CCDC186: variants seen among roughly 807,000 people sequenced by gnomAD.
CCDC186 encodes coiled-coil domain-containing protein 186.
In CCDC186, 49 loss-of-function variants were observed where a neutral mutation model predicts 113.7. The observed-to-expected ratio is 0.43, with a 90% CI of 0.34 to 0.55. The LOEUF is 0.55. CCDC186 is among the 20% of genes least tolerant of loss of function. The pLI is 0.02. For synonymous variants in CCDC186, 355 were observed against 345.8 expected, an observed-to-expected ratio of 1.03 and a Z score of -0.30; for missense variants, 890 against 1,011.1, an observed-to-expected ratio of 0.88 and a Z score of 1.62.
At chr10:114,153,562 G>A (rs2031916660) in intron 3 of CCDC186, among the ~76,000 whole-genome samples, 1 of 151,890 alleles carries the variant, frequency 6.6e-6, no homozygotes, top group Admixed American at 6.6e-5. Context: ...GAGGCAGGAG[G>A]CTCACTTGAG....
intron 6 of CCDC186, among the ~76,000 whole-genome samples, chr10:114,142,805 G>C (rs990056339): frequency 2.0e-5 from 3 of 152,102 alleles, no homozygotes; most frequent in Admixed American, 2.0e-4. Context: ...ACCAGAAAGG[G>C]TGCCTCAAGA....
At chr10:114,173,262 T>C (rs1445236873) in intron 1 of CCDC186, 4 of 453,890 alleles carry the variant, frequency 8.8e-6, no homozygotes, top group African/African-American at 8.0e-5. Flanking sequence ...CAGGACTTTT[T>C]CCTCTAAACA....
chr10:114,161,068 C>A (rs2032155448), intron 2 of CCDC186, among the ~76,000 whole-genome samples: 1 of 152,146 alleles, frequency 6.6e-6, no homozygotes, highest in Admixed American at 6.5e-5. Context: ...TATGATTATT[C>A]CACTCACCCG....
chr10:114,170,254 A>T (rs2032454092), intron 1 of CCDC186, among the ~76,000 whole-genome samples: 1 of 152,218 alleles, frequency 6.6e-6, no homozygotes. Context: ...AAAAACTGTA[A>T]ATAAGTTCTA....
At chr10:114,170,681 C>T (rs1296750167) in intron 1 of CCDC186, among the ~76,000 whole-genome samples, 1 of 152,070 alleles carries the variant, frequency 6.6e-6, no homozygotes, top group Non-Finnish European at 1.5e-5. Flanking sequence ...AAAAAAGTTT[C>T]CTTTAGTTCA....
intron 1 of CCDC186, chr10:114,166,051 G>A (rs542002207): frequency 7.5e-6 from 3 of 402,514 alleles, no homozygotes; most frequent in South Asian, 2.1e-4. Flanking sequence ...AAGTTACATC[G>A]GACCAAGGGA....
intron 4 of CCDC186, among the ~76,000 whole-genome samples, chr10:114,147,444 G>T (rs997364234): frequency 6.6e-5 from 10 of 152,064 alleles, no homozygotes; most frequent in Non-Finnish European, 1.3e-4. Flanking sequence ...GAATGTAAGG[G>T]GTGAATCAAG....
At chr10:114,125,697 G>C (rs951205322) in intron 15 of CCDC186, among the ~76,000 whole-genome samples, 189 bp downstream of exon 15, 1 of 152,008 alleles carries the variant, frequency 6.6e-6, no homozygotes, top group African/African-American at 2.4e-5. Flanking sequence ...ATTAATTTTT[G>C]CTATTTTTCA....
intron 6 of CCDC186, among the ~76,000 whole-genome samples, chr10:114,137,755 G>C (rs1182355919): frequency 1.3e-5 from 2 of 151,724 alleles, no homozygotes; most frequent in Non-Finnish European, 2.9e-5. Flanking sequence ...TAAAAAAATT[G>C]GCCAGGCATG....
In CCDC186 at chr10:114,131,211, C is replaced by T. The variant is rs143034163; in HGVS notation, c.2037G>A (p.Glu679=). ...LSTQVEELKD[E]LVTQRRKHAS... is the part of the protein sequence containing the mutation. ...CATGTTTACGTCTCTGAGTTACTAACTCATCTTTTAATTCTTCTACCTGGG... is the reference window on the plus strand; with the variant it reads ...CATGTTTACGTCTCTGAGTTACTAATTCATCTTTTAATTCTTCTACCTGGG... Residue 679 remains glutamate (E), a synonymous_variant, in exon 12 of 16, where the codon GAG becomes GAA. Coordinates refer to ENST00000369287, the MANE Select transcript of CCDC186 (RefSeq NM_018017.4). The T allele has an allele frequency of 5.1e-5, 82 of 1,598,702 alleles. No individual in the cohort carries two copies. The highest frequency in any genetic ancestry group is 6.9e-5 in the Non-Finnish European group (81 of 1,173,620).
At chr10:114,127,733 A>G (rs1301169039) in intron 13 of CCDC186, 62 bp from the exon 14 acceptor site, 3 of 1,324,438 alleles carry the variant, frequency 2.3e-6, no homozygotes, top group Non-Finnish European at 3.2e-6. Flanking sequence ...CTCATCTCAT[A>G]TATTACTTAT....
intron 3 of CCDC186, 96 bp downstream of exon 3, chr10:114,157,458 C>T: frequency 1.6e-6 from 2 of 1,218,954 alleles, no homozygotes; most frequent in Non-Finnish European, 2.2e-6. Flanking sequence ...TCCCAAAGTG[C>T]TACGATTACA....
chr10:114,157,847 T>C (rs911041766), intron 2 of CCDC186, among the ~76,000 whole-genome samples, 167 bp from the exon 3 acceptor site: 11 of 152,224 alleles, frequency 7.2e-5, no homozygotes, highest in Admixed American at 5.9e-4. Context: ...CATAATACTT[T>C]GCAAAAGATT....
At chr10:114,152,844 A>AC in intron 3 of CCDC186, among the ~76,000 whole-genome samples, 1 of 152,326 alleles carries the variant, frequency 6.6e-6, no homozygotes, top group Non-Finnish European at 1.5e-5. Context: ...CTATATTTAC[A>AC]TAAAAAACAG....
At chr10:114,147,500 A>C (rs1208784434) in intron 4 of CCDC186, among the ~76,000 whole-genome samples, 1 of 152,226 alleles carries the variant, frequency 6.6e-6, no homozygotes, top group Non-Finnish European at 1.5e-5. Flanking sequence ...AACACCTAAA[A>C]GTATAAAACA....
intron 1 of CCDC186, among the ~76,000 whole-genome samples, chr10:114,169,683 A>G (rs1214479947): frequency 2.0e-5 from 3 of 152,216 alleles, no homozygotes; most frequent in Non-Finnish European, 1.5e-5. Context: ...AAGAGTTTGT[A>G]TTCTCCAAAA....
chr10:114,170,232 C>T (rs1044360254), intron 1 of CCDC186, among the ~76,000 whole-genome samples: 1 of 151,434 alleles, frequency 6.6e-6, no homozygotes, highest in Admixed American at 6.6e-5. Context: ...ACTGAGAGGG[C>T]TATTTCAAAA....
At chr10:114,172,809 TAAA>T (rs1354239686) in intron 1 of CCDC186, among the ~76,000 whole-genome samples, 5 of 152,220 alleles carry the variant, frequency 3.3e-5, no homozygotes, top group African/African-American at 7.2e-5. Context: ...TAATGTTGGA[TAAA>T]GAATTGAAGT....
intron 2 of CCDC186, among the ~76,000 whole-genome samples, chr10:114,159,719 C>T (rs1350164655): frequency 6.6e-6 from 1 of 151,130 alleles, no homozygotes; most frequent in East Asian, 1.9e-4. Flanking sequence ...CTTTGGGAGG[C>T]CAGTGTGGGT....
Sources: allele counts gnomAD v4.1 joint callset (sites outside exome capture counted in the v4.1 genomes callset), GRCh38; gene constraint gnomAD v4.1.1; transcripts MANE v1.5; gene names NCBI Gene and HGNC (gene_info 2026-07-23, HGNC 2026-07-21).